OPA3: variants seen among roughly 807,000 people sequenced by gnomAD.
OPA3 encodes the protein optic atrophy 3 protein.
Under a neutral mutation model 4.0 loss-of-function variants are expected in OPA3, and 6 were observed. The observed-to-expected ratio is 1.51, with a 90% CI of 0.83 to 2.99. The LOEUF is 2.99. OPA3 is among the 30% of genes most tolerant of loss of function. The pLI, the probability that OPA3 is intolerant of heterozygous loss-of-function variation, is 0.00. For synonymous variants in OPA3, 105 were observed against 117.1 expected (o/e 0.90, Z 0.67); for missense variants, 235 against 256.2 (o/e 0.92, Z 0.56).
rs147506846 is a variant in OPA3, at chr19:45,533,674, T to C, written c.143-4218A>G. On this transcript the variant is annotated intron_variant, in intron 1 of 1. Transcript: ENST00000323060. ...GCCAGGCCAGGCCAGGCCAAGCTTC[T>C]GTTGGTTGAATGCAAAGCATGGTGA... is the stretch of plus-strand genomic sequence containing the variant. 6.2e-3 allele frequency among the ~76,000 whole-genome samples: 942 copies of C among 152,280 alleles called. 20 individuals carry two copies. The highest frequency in any genetic ancestry group is 0.038 in the Admixed American group (575 of 15,292).
In OPA3 at chr19:45,530,780, G is replaced by A. The variant is rs930435648; in HGVS notation, c.143-1324C>T. Among the ~76,000 whole-genome samples the A allele has an allele frequency of 2.5e-4, 38 of 151,156 alleles. 1 individual carries two copies. The highest frequency in any genetic ancestry group is 2.0e-3 in the Admixed American group (31 of 15,138). On this transcript the variant is annotated intron_variant, in intron 1 of 1. Transcript: ENST00000323060. ...AGCCTTTATTTATTTATTTATTTTCGAGACAGAGTCTCGGTCTGTCCCCCA... is the reference window on the plus strand; with the variant it reads ...AGCCTTTATTTATTTATTTATTTTCAAGACAGAGTCTCGGTCTGTCCCCCA...
In OPA3 at chr19:45,549,372, GC is replaced by G; in HGVS notation, c.*4141del. On this transcript the variant is annotated 3_prime_UTR_variant, in exon 2 of 2. Transcript: ENST00000263275. ...ATGACTGGCTGCCTGTCAGGGCAGG[GC>G]AGGGCAGGGCTGAGTGCGAAGTCTC... is the stretch of plus-strand genomic sequence containing the variant. 2 of 981,650 alleles carry G rather than the reference GC, an allele frequency of 2.0e-6. No individual in the cohort carries two copies. Among genetic ancestry groups the G allele is most frequent in the Non-Finnish European group, 2.4e-6 (2 of 826,608 alleles). The allele number at this position is 981,650 out of a possible 1,614,324, so 60.8% of individuals were successfully genotyped here. A position where few individuals can be genotyped will look rare whatever the true frequency, so the allele number is the denominator to read the frequency against.
At chr19:45,558,926 C>G (rs111512631) in intron 1 of OPA3, among the ~76,000 whole-genome samples, 4 of 151,764 alleles carry the variant, frequency 2.6e-5, no homozygotes, top group Non-Finnish European at 4.4e-5. Flanking sequence ...TCTTGTTGCC[C>G]AGGCTGGAGT....
In OPA3 at chr19:45,550,439, G is replaced by A. The variant is rs538725909; in HGVS notation, c.*3075C>T. On this transcript the variant is annotated 3_prime_UTR_variant, in exon 2 of 2. Coordinates refer to ENST00000263275, the MANE Select transcript of OPA3 (RefSeq NM_025136.4). ...ATAGAGAGGGTCTCCCACTATCAAC[G>A]CCACCTCTGGGATGGTCTGGGCCTC... 133 of 985,760 alleles carry A rather than the reference G, an allele frequency of 1.3e-4. No individual in the cohort carries two copies. In the African/African-American group the frequency reaches 2.1e-3, roughly 15 times the overall value. 61.1% of individuals were successfully genotyped at this position (985,760 alleles called of 1,614,324 possible). A position where few individuals can be genotyped will look rare whatever the true frequency, so the allele number is the denominator to read the frequency against.
chr19:45,566,803 C>A (rs1191037608), intron 1 of OPA3, among the ~76,000 whole-genome samples: 2 of 151,952 alleles, frequency 1.3e-5, no homozygotes, highest in Non-Finnish European at 2.9e-5. Context: ...TTAAATATAA[C>A]CTTACCATAT....
At chr19:45,529,720 CT>C (rs963629972) in intron 1 of OPA3, among the ~76,000 whole-genome samples, 53 of 151,690 alleles carry the variant, frequency 3.5e-4, no homozygotes, top group African/African-American at 1.1e-3. Context: ...TGCTGATGCT[CT>C]TTTTTTTTCT....
intron 1 of OPA3, among the ~76,000 whole-genome samples, chr19:45,571,691 C>T (rs930690207): frequency 2.6e-5 from 4 of 152,072 alleles, no homozygotes; most frequent in Non-Finnish European, 5.9e-5. Flanking sequence ...AAAATAAACA[C>T]GTCCACCCCT....
chr19:45,545,705 CTTTT>C (rs1331067429), downstream of OPA3, among the ~76,000 whole-genome samples: 2 of 147,402 alleles, frequency 1.4e-5, no homozygotes, highest in Admixed American at 6.9e-5. Context: ...TATGTACATG[CTTTT>C]CTTTTTTTTT....
chr19:45,553,552 G>A lies in OPA3; in HGVS notation c.502C>T (p.Arg168Trp), dbSNP rs750946088. The stretch of plus-strand genomic sequence containing the variant: ...GCAGGCACTGCGTGGGAAGCGGACC[G>A]GCCGGGATTGCAGAGCTGGGCGCGC... ...EVRAQLCNPGRSASHAVPASK... is the reference protein window; with the variant it reads ...EVRAQLCNPGWSASHAVPASK... Residue 168 changes from arginine to tryptophan, a missense_variant, in exon 2 of 2, where the codon CGG becomes TGG. Physicochemically the swap from Arg to Trp is moderately radical, Grantham distance 101 (BLOSUM62 -3). Coordinates refer to ENST00000263275, the MANE Select transcript of OPA3 (RefSeq NM_025136.4). 2 of 1,613,356 alleles carry A rather than the reference G, an allele frequency of 1.2e-6. No homozygotes were observed. The highest frequency in any genetic ancestry group is 8.5e-7 in the Non-Finnish European group (1 of 1,179,988).
chr19:45,535,550 G>C (rs1969106400), intron 1 of OPA3, among the ~76,000 whole-genome samples: 1 of 151,322 alleles, frequency 6.6e-6, no homozygotes, highest in Admixed American at 6.6e-5. Flanking sequence ...GTAAAGACAG[G>C]GTTTCGCCAT....
intron 1 of OPA3, among the ~76,000 whole-genome samples, chr19:45,574,096 CA>C (rs1026108198): frequency 2.0e-5 from 3 of 146,906 alleles, no homozygotes; most frequent in Non-Finnish European, 4.5e-5. Context: ...GACTCCATCT[CA>C]AAAAAAACAA....
rs1411230182 is a variant in OPA3, at chr19:45,553,172, G to A, written c.*342C>T. 2 of 1,286,880 alleles carry A rather than the reference G, an allele frequency of 1.6e-6. No homozygotes were observed. The highest frequency in any genetic ancestry group is 3.3e-5 in the South Asian group (2 of 61,118). 79.7% of individuals were successfully genotyped at this position (1,286,880 alleles called of 1,614,324 possible). A position where few individuals can be genotyped will look rare whatever the true frequency, so the allele number is the denominator to read the frequency against. On this transcript the variant is annotated 3_prime_UTR_variant, in exon 2 of 2. Coordinates refer to ENST00000263275, the MANE Select transcript of OPA3 (RefSeq NM_025136.4). ...TTAACACTGATCAGGTAAACCGGGG[G>A]TGGGGGTAACAATAACACATTGATT...
At chr19:45,554,652 G>T (rs1969393925) in intron 1 of OPA3, among the ~76,000 whole-genome samples, 1 of 152,216 alleles carries the variant, frequency 6.6e-6, no homozygotes, top group Non-Finnish European at 1.5e-5. Context: ...ACTCACTCCT[G>T]CAACAATTAA....
rs1451583431 is a variant in OPA3, at chr19:45,564,953, G to A, written c.143-11042C>T. On this transcript the variant is annotated intron_variant, in intron 1 of 1. Coordinates refer to ENST00000263275, the MANE Select transcript of OPA3 (RefSeq NM_025136.4). ...TAGTTAAAACTTTTCTCGGCCGGGC[G>A]TGGTGGCTCACGCCTGTAATCCCAG... is the stretch of plus-strand genomic sequence containing the variant. Among the ~76,000 whole-genome samples the A allele has an allele frequency of 3.9e-5, 6 of 152,138 alleles. No individual in the cohort carries two copies. In the South Asian group the frequency reaches 8.3e-4, roughly 21 times the overall value.
At chr19:45,563,832 G>A (rs961006855) in intron 1 of OPA3, among the ~76,000 whole-genome samples, 7 of 151,256 alleles carry the variant, frequency 4.6e-5, no homozygotes, top group Non-Finnish European at 5.9e-5. Flanking sequence ...GGGATTACAG[G>A]TGTGAGCCAC....
Position 45,570,309 on chromosome 19 carries a change from G to A in OPA3, c.142+14314C>T, listed in dbSNP as rs1051323820. On this transcript the variant is annotated intron_variant, in intron 1 of 1. Transcript: ENST00000263275. Reference sequence around the variant, plus strand: ...TAAAAAAGGAGCAGCGAGATTAAACGCAGCCAATGACACACTTCTTCCATC... The same window carrying A: ...TAAAAAAGGAGCAGCGAGATTAAACACAGCCAATGACACACTTCTTCCATC... Among the ~76,000 whole-genome samples the A allele has an allele frequency of 5.9e-5, 9 of 152,266 alleles. 1 individual carries two copies. In the South Asian group the frequency reaches 1.5e-3, roughly 25 times the overall value.
At chr19:45,543,972 T>C (rs1599955065), downstream of OPA3, among the ~76,000 whole-genome samples, 1 of 152,324 alleles carries the variant, frequency 6.6e-6, no homozygotes, top group South Asian at 2.1e-4. Context: ...TTGCTGGCAA[T>C]GCAGAGTCAT....
intron 1 of OPA3, among the ~76,000 whole-genome samples, chr19:45,559,177 T>G (rs1969465443): frequency 6.6e-6 from 1 of 151,474 alleles, no homozygotes; most frequent in South Asian, 2.1e-4. Flanking sequence ...AGCCACCGTG[T>G]CTGGCCTAAC....
chr19:45,563,999 A>G (rs1347777195), intron 1 of OPA3, among the ~76,000 whole-genome samples: 2 of 151,958 alleles, frequency 1.3e-5, no homozygotes, highest in South Asian at 4.1e-4. Context: ...CAAAACAGAT[A>G]ATTAAAACTT....
Sources: allele counts gnomAD v4.1 joint callset (sites outside exome capture counted in the v4.1 genomes callset), GRCh38; gene constraint gnomAD v4.1.1; transcripts MANE v1.5; gene names NCBI Gene and HGNC (gene_info 2026-07-23, HGNC 2026-07-21).